MYO9A: variants seen among roughly 807,000 people sequenced by gnomAD.
The protein encoded by MYO9A is unconventional myosin-IXa.
In MYO9A, 103 loss-of-function variants were observed where a neutral mutation model predicts 293.3. That is an observed-to-expected ratio of 0.35 (90% CI 0.30 to 0.41). MYO9A has a LOEUF of 0.41. Ranked by LOEUF, MYO9A falls within the 10% of genes least tolerant of loss-of-function variation. The pLI is 1.00. For synonymous variants in MYO9A, 1,001 were observed against 1,035.7 expected (o/e 0.97, Z 0.64); for missense variants, 2,685 against 3,033.0 (o/e 0.89, Z 2.69).
At chr15:71,981,667 C>T (rs1211241931) in intron 11 of MYO9A, among the ~76,000 whole-genome samples, 1 of 147,900 alleles carries the variant, frequency 6.8e-6, no homozygotes, top group Non-Finnish European at 1.5e-5. Flanking sequence ...CTCTCTCTCT[C>T]TCTCAGATGA....
chr15:71,978,875 C>T (rs1201581340), intron 11 of MYO9A, among the ~76,000 whole-genome samples: 2 of 151,734 alleles, frequency 1.3e-5, no homozygotes, highest in African/African-American at 2.4e-5. Flanking sequence ...CAAAGCGCTC[C>T]ATTTTTTCTT....
At chr15:71,859,819 A>C (rs1220079428) in intron 33 of MYO9A, 23 bp from the exon 34 acceptor site, 1 of 1,603,814 alleles carries the variant, frequency 6.2e-7, no homozygotes, top group Non-Finnish European at 8.5e-7. Flanking sequence ...TGAGGAATGC[A>C]ACATTTTTAG....
chr15:71,978,070 A>G (rs1004163685), intron 12 of MYO9A, 101 bp downstream of exon 12: 3 of 1,306,762 alleles, frequency 2.3e-6, no homozygotes, highest in Non-Finnish European at 3.2e-6. Flanking sequence ...GTACAAAAAA[A>G]ATTTGGCTCT....
intron 12 of MYO9A, 29 bp from the exon 13 acceptor site, chr15:71,968,154 A>AT (rs1373352158): frequency 1.8e-5 from 28 of 1,525,036 alleles, no homozygotes; most frequent in Non-Finnish European, 2.3e-5. Flanking sequence ...AAAAAATATC[A>AT]TTACAGAAAG....
At position 71,898,563 on chromosome 15, in the gene MYO9A, C is replaced by T. The variant is rs2057397462; in HGVS notation, c.3940G>A (p.Gly1314Ser). The change falls in exon 25 of 42, where the codon GGC becomes AGC. Residue 1314 changes from glycine (G) to serine (S), a missense_variant. This residue lies in a region of MYO9A where 1,434 missense variants were observed against 1,497.7 expected (regional missense o/e 0.96). Coordinates refer to ENST00000356056, the MANE Select transcript of MYO9A (RefSeq NM_006901.4). Reference sequence around the variant, plus strand: ...GGTGTACCCCGTGGAGACTGAAGGCCTTCAGGCACCAATTCTGTAGACCAT... The same window carrying T: ...GGTGTACCCCGTGGAGACTGAAGGCTTTCAGGCACCAATTCTGTAGACCAT... ...RRWSTELVPE[G>S]LQSPRGTPDS... 3.1e-6 allele frequency: 5 copies of T among 1,614,064 alleles called. No homozygotes were observed. The highest frequency in any genetic ancestry group is 3.4e-6 in the Non-Finnish European group (4 of 1,180,020).
intron 1 of MYO9A, among the ~76,000 whole-genome samples, chr15:72,076,967 C>A (rs2079372578): frequency 6.7e-6 from 1 of 150,014 alleles, no homozygotes. Context: ...AAAGGCAAGT[C>A]AATGGAAAAA....
intron 25 of MYO9A, among the ~76,000 whole-genome samples, chr15:71,894,781 C>T (rs182207553): frequency 1.6e-4 from 24 of 152,178 alleles, no homozygotes; most frequent in Non-Finnish European, 3.4e-4. Context: ...GAAATAGATG[C>T]CAGAATCTGA....
At chr15:71,939,794 T>C (rs1008982823) in intron 15 of MYO9A, among the ~76,000 whole-genome samples, 1 of 152,186 alleles carries the variant, frequency 6.6e-6, no homozygotes, top group East Asian at 1.9e-4. Context: ...AAACATGTAA[T>C]ATATGTAAGA....
At position 72,026,292 on chromosome 15, in the gene MYO9A, A is replaced by G. The variant is rs1267547516; in HGVS notation, c.998+1439T>C. Among the ~76,000 whole-genome samples the G allele has an allele frequency of 7.5e-4, 110 of 146,100 alleles. 1 individual carries two copies. The highest frequency in any genetic ancestry group is 2.5e-3 in the African/African-American group (100 of 39,960). Reference sequence around the variant, plus strand: ...CGTCTCAAGAAAAAAAAAAAAAAAAAAAAAGAAAGAAAAGAAATCACATTT... The same window carrying G: ...CGTCTCAAGAAAAAAAAAAAAAAAAGAAAAGAAAGAAAAGAAATCACATTT... On this transcript the variant is annotated intron_variant, in intron 4 of 41. Transcript: ENST00000356056.
At chr15:71,900,243 G>A (rs2057446055) in intron 23 of MYO9A, among the ~76,000 whole-genome samples, 1 of 151,966 alleles carries the variant, frequency 6.6e-6, no homozygotes, top group Admixed American at 6.6e-5. Context: ...GACCAACCTG[G>A]CTAACATGGT....
At chr15:72,096,277 G>A (rs943188173) in intron 1 of MYO9A, among the ~76,000 whole-genome samples, 2 of 152,100 alleles carry the variant, frequency 1.3e-5, no homozygotes, top group Non-Finnish European at 2.9e-5. Context: ...GGCAGAGGCT[G>A]TAGTTAGTTG....
intron 13 of MYO9A, among the ~76,000 whole-genome samples, chr15:71,967,477 TAAATGCCTG>T (rs2075906798): frequency 6.6e-6 from 1 of 152,188 alleles, no homozygotes; most frequent in African/African-American, 2.4e-5. Context: ...CCTGGGAAAT[TAAATGCCTG>T]AAATAGCAGG....
At position 71,842,777 on chromosome 15, in the gene MYO9A, G is replaced by A. The variant is rs930829738; in HGVS notation, c.6837+6068C>T. Among the ~76,000 whole-genome samples the A allele has an allele frequency of 4.0e-5, 6 of 150,302 alleles. 1 individual carries two copies. In the South Asian group the frequency reaches 8.5e-4, roughly 21 times the overall value. ...TGGGAGGCTCAGACAGGAGAATGGCGTGAACCCAGGAGGCGGAGCTTGCAG... is the reference window on the plus strand; with the variant it reads ...TGGGAGGCTCAGACAGGAGAATGGCATGAACCCAGGAGGCGGAGCTTGCAG... On this transcript the variant is annotated intron_variant, in intron 39 of 41. Transcript: ENST00000356056.
chr15:71,942,969 A>G (rs1030069635), intron 15 of MYO9A, among the ~76,000 whole-genome samples: 4 of 152,036 alleles, frequency 2.6e-5, no homozygotes, highest in Admixed American at 6.5e-5. Flanking sequence ...TCTAGCTTTA[A>G]TAATTGCTAT....
intron 14 of MYO9A, among the ~76,000 whole-genome samples, chr15:71,957,730 G>A (rs951849615): frequency 6.6e-6 from 1 of 152,268 alleles, no homozygotes; most frequent in Non-Finnish European, 1.5e-5. Context: ...AAACCTTGAA[G>A]CTCTCTCATC....
chr15:71,847,310 T>C, intron 39 of MYO9A: 1 of 351,210 alleles, frequency 2.8e-6, no homozygotes. Flanking sequence ...GGGCCGAACA[T>C]GGAGGGTGGA....
In MYO9A at chr15:71,879,835, C is replaced by T; in HGVS notation, c.5625G>A (p.Val1875=). 6.3e-7 allele frequency: 1 copy of T among 1,598,154 alleles called. No individual in the cohort carries two copies. Among genetic ancestry groups the T allele is most frequent in the Non-Finnish European group, 8.6e-7 (1 of 1,166,950 alleles). The change falls in exon 30 of 42, where the codon GTG becomes GTA. Residue 1875 remains valine (V), a splice_region_variant and synonymous_variant. Coordinates refer to ENST00000356056, the MANE Select transcript of MYO9A (RefSeq NM_006901.4). ...KSMDEFLLKK[V]NDLDNEDSKK... The stretch of plus-strand genomic sequence containing the variant: ...TGCTGTCTTCATTATCTAGGTCATT[C>T]ACCTGGGAACCACAAAACGAGTTTT...
chr15:72,089,411 C>G (rs2079837193), intron 1 of MYO9A, among the ~76,000 whole-genome samples: 1 of 152,178 alleles, frequency 6.6e-6, no homozygotes, highest in African/African-American at 2.4e-5. Flanking sequence ...ATCCTCCCAC[C>G]TCAGCCTCCC....
chr15:72,009,698 CA>C (rs550620735), intron 7 of MYO9A, among the ~76,000 whole-genome samples: 2 of 149,526 alleles, frequency 1.3e-5, no homozygotes, highest in Admixed American at 6.7e-5. Context: ...ATGCTGTCTC[CA>C]AAAAAAACAA....
Sources: allele counts gnomAD v4.1 joint callset (sites outside exome capture counted in the v4.1 genomes callset), GRCh38; gene constraint gnomAD v4.1.1; regional missense constraint gnomAD v4.1.1; transcripts MANE v1.5; gene names NCBI Gene and HGNC (gene_info 2026-07-23, HGNC 2026-07-21).